Variants in MRPS16 observed in about 807,000 individuals in gnomAD.
MRPS16 encodes small ribosomal subunit protein bS16m.
Under a neutral mutation model 11.0 loss-of-function variants are expected in MRPS16, and 5 were observed. The ratio of observed to expected loss-of-function variants is 0.46; its 90% CI spans 0.24 to 0.96. The LOEUF is 0.96. MRPS16 is among the 40% of genes least tolerant of loss of function. The pLI is 0.20. For missense variants in MRPS16, 179 were observed against 174.4 expected (o/e 1.03, Z -0.15); for synonymous variants, 76 against 65.0 (o/e 1.17, Z -0.81).
chr10:73,252,211 T>A, intron 1 of MRPS16, 188 bp from the exon 2 acceptor site: 1 of 1,052,394 alleles, frequency 9.5e-7, no homozygotes, highest in Non-Finnish European at 1.4e-6. Flanking sequence ...CTCCTCCTCA[T>A]ACCCAAACCC....
rs145398579 is a variant in MRPS16 at position 73,250,920 on chromosome 10, G to A, written c.346C>T (p.Arg116Cys). 54 of 1,614,048 alleles carry A rather than the reference G, an allele frequency of 3.3e-5. No individual in the cohort carries two copies. The African/African-American group carries it at 4.8e-4, about 14-fold the overall frequency. ...TTCTGAGAAGCTAACAGGACTTCAC[G>A]TGCCCGTTTCCTTCGCAGTCTCTCA... The part of the protein sequence containing the change: ...NAERLRRKRA[R>C]EVLLASQKTD... Residue 116 changes from arginine to cysteine, a missense_variant, in exon 3 of 3, where the codon CGT becomes TGT. Arg to Cys is a radical substitution (Grantham distance 180, BLOSUM62 -3). Coordinates refer to ENST00000372945, the MANE Select transcript of MRPS16 (RefSeq NM_016065.4).
At position 73,249,638 on chromosome 10, in the gene MRPS16, A is replaced by C. The variant is rs1004664884; in HGVS notation, c.*1214T>G. The C allele has an allele frequency of 3.3e-6, 1 of 301,136 alleles. No homozygotes were observed. The highest frequency in any genetic ancestry group is 6.3e-6 in the Non-Finnish European group (1 of 157,850). The allele number at this position is 301,136 out of a possible 1,614,324, so 18.7% of individuals were successfully genotyped here. ...TTCTCAGAAGGATCCCATCTATGAT[A>C]TATGCAGAAATCACAGCCACATTTG... On this transcript the variant is annotated 3_prime_UTR_variant, in exon 3 of 3. Transcript: ENST00000372945.
rs2044054551 is a variant in MRPS16 at position 73,249,354 on chromosome 10, C to T, written c.*1498G>A. 1 of 1,528,560 alleles carries T rather than the reference C, an allele frequency of 6.5e-7. No individual in the cohort carries two copies. Among genetic ancestry groups the T allele is most frequent in the African/African-American group, 1.4e-5 (1 of 72,578 alleles). 94.7% of individuals were successfully genotyped at this position (1,528,560 alleles called of 1,614,324 possible). On this transcript the variant is annotated 3_prime_UTR_variant, in exon 3 of 3. Coordinates refer to ENST00000372945, the MANE Select transcript of MRPS16 (RefSeq NM_016065.4). ...TTGTGAGTCAAATAAAAAAGTAGAA[C>T]TAAAGTATACTGAAGTTATTCAAAT...
rs954104789 is a variant in MRPS16 at position 73,249,148 on chromosome 10, C to T, written c.*1704G>A. ...TGCACAGGCTGGTCTCAAACTCTGG[C>T]TTCAAGTGATCCTTCCACCTCAGCC... On this transcript the variant is annotated 3_prime_UTR_variant, in exon 3 of 3. Coordinates refer to ENST00000372945, the MANE Select transcript of MRPS16 (RefSeq NM_016065.4). 2.5e-6 allele frequency: 2 copies of T among 788,054 alleles called. No individual in the cohort carries two copies. The highest frequency in any genetic ancestry group is 3.0e-4 in the Middle Eastern group (1 of 3,290). The allele number at this position is 788,054 out of a possible 1,614,324, so 48.8% of individuals were successfully genotyped here.
At chr10:73,252,221 C>G in intron 1 of MRPS16, 198 bp from the exon 2 acceptor site, 1 of 1,028,492 alleles carries the variant, frequency 9.7e-7, no homozygotes, top group South Asian at 1.5e-5. Flanking sequence ...TACCCAAACC[C>G]ACCCCGCATG....
Position 73,249,176 on chromosome 10 carries a change from C to T in MRPS16, c.*1676G>A. On this transcript the variant is annotated 3_prime_UTR_variant, in exon 3 of 3. Coordinates refer to ENST00000372945, the MANE Select transcript of MRPS16 (RefSeq NM_016065.4). The stretch of plus-strand genomic sequence containing the variant: ...CAAGTGATCCTTCCACCTCAGCCTC[C>T]CAAAGTGCTGAGATTACAGGTGTGA... The T allele has an allele frequency of 1.9e-6, 2 of 1,060,062 alleles. No individual in the cohort carries two copies. Among genetic ancestry groups the T allele is most frequent in the East Asian group, 2.6e-5 (1 of 38,142 alleles). 65.7% of individuals were successfully genotyped at this position (1,060,062 alleles called of 1,614,324 possible).
chr10:73,251,901 G>C lies in MRPS16; in HGVS notation c.136C>G (p.Arg46Gly), dbSNP rs2044110329. ...AAHNKCPRDGRFVEQLGSYDP... is the reference protein window; with the variant it reads ...AAHNKCPRDGGFVEQLGSYDP... ...TAGGAGCCCAGCTGCTCTACGAAACGGCCATCCCTGGGACACTTGTTGTGA... is the reference window on the plus strand; with the variant it reads ...TAGGAGCCCAGCTGCTCTACGAAACCGCCATCCCTGGGACACTTGTTGTGA... The change falls in exon 2 of 3, where the codon CGT (arginine) becomes GGT (glycine). Residue 46 changes from arginine to glycine, a missense_variant. Physicochemically the swap from Arg to Gly is moderately radical, Grantham distance 125. Transcript: ENST00000372945. 1.9e-6 allele frequency: 3 copies of C among 1,614,034 alleles called. No individual in the cohort carries two copies. The highest frequency in any genetic ancestry group is 1.3e-5 in the African/African-American group (1 of 74,896).
Position 73,250,686 on chromosome 10 carries a change from A to G in MRPS16, c.*166T>C. ...CCCACACCCAGCTCTAAGTCACACA[A>G]GAACAAATCTCTCCCTGGGCCCTGT... On this transcript the variant is annotated 3_prime_UTR_variant, in exon 3 of 3. Transcript: ENST00000372945. 1.1e-6 allele frequency: 1 copy of G among 913,642 alleles called. No homozygotes were observed. Among genetic ancestry groups the G allele is most frequent in the East Asian group, 2.4e-5 (1 of 40,840 alleles). The allele number at this position is 913,642 out of a possible 1,614,324, so 56.6% of individuals were successfully genotyped here. A position where few individuals can be genotyped will look rare whatever the true frequency, so the allele number is the denominator to read the frequency against.
intron 2 of MRPS16, 53 bp downstream of exon 2, chr10:73,251,710 A>G (rs2044101692): frequency 4.3e-6 from 7 of 1,611,760 alleles, no homozygotes; most frequent in Non-Finnish European, 5.9e-6. Context: ...ACTGTCCTGG[A>G]GCTGACTTCA....
chr10:73,251,234 T>G (rs2044088549), intron 2 of MRPS16, among the ~76,000 whole-genome samples: 1 of 152,180 alleles, frequency 6.6e-6, no homozygotes, highest in African/African-American at 2.4e-5. Flanking sequence ...AAACATACTA[T>G]TCCTATTTTT....
rs1250096795 is a variant in MRPS16 at position 73,252,604 on chromosome 10, C to A, written c.-122G>T. On this transcript the variant is annotated 5_prime_UTR_variant, in exon 1 of 3. Coordinates refer to ENST00000372945, the MANE Select transcript of MRPS16 (RefSeq NM_016065.4). ...GCAAGCCGACACCAGGCCGCACCGC[C>A]AAGCGGTACAAGCCCGAAAACCTCG... The A allele has an allele frequency of 4.9e-6, 7 of 1,415,022 alleles. No individual in the cohort carries two copies. Among genetic ancestry groups the A allele is most frequent in the African/African-American group, 2.8e-5 (2 of 70,618 alleles). The allele number at this position is 1,415,022 out of a possible 1,614,324, so 87.7% of individuals were successfully genotyped here. A position where few individuals can be genotyped will look rare whatever the true frequency, so the allele number is the denominator to read the frequency against.
At position 73,252,434 on chromosome 10, in the gene MRPS16, C is replaced by G. The variant is rs1356507004; in HGVS notation, c.13+36G>C. 1.9e-6 allele frequency: 3 copies of G among 1,609,084 alleles called. No individual in the cohort carries two copies. In the East Asian group the frequency reaches 6.7e-5, roughly 36 times the overall value. On this transcript the variant is annotated intron_variant, in intron 1 of 2. Coordinates refer to ENST00000372945, the MANE Select transcript of MRPS16 (RefSeq NM_016065.4). Reference sequence around the variant, plus strand: ...GGCCCCGAACTCCCGAGCCCCGTGACCGCCCGGAACGTCTCGCGGTGGCCC... The same window carrying G: ...GGCCCCGAACTCCCGAGCCCCGTGAGCGCCCGGAACGTCTCGCGGTGGCCC...
At chr10:73,251,045 C>T in intron 2 of MRPS16, 54 bp from the exon 3 acceptor site, 1 of 1,597,518 alleles carries the variant, frequency 6.3e-7, no homozygotes, top group Non-Finnish European at 8.6e-7. Context: ...CAATGCTTCC[C>T]TAGGAACTCT....
At chr10:73,251,074 C>G in intron 2 of MRPS16, 83 bp from the exon 3 acceptor site, 1 of 1,524,758 alleles carries the variant, frequency 6.6e-7, no homozygotes. Flanking sequence ...GAACTGAGGT[C>G]TGAGATCTGA....
chr10:73,250,846 G>C lies in MRPS16; in HGVS notation c.*6C>G, dbSNP rs1467603217. The C allele has an allele frequency of 6.2e-7, 1 of 1,613,548 alleles. No individual in the cohort carries two copies. On this transcript the variant is annotated 3_prime_UTR_variant, in exon 3 of 3. Coordinates refer to ENST00000372945, the MANE Select transcript of MRPS16 (RefSeq NM_016065.4). ...CCCACTGCTATGCTCACTAAAGTCA[G>C]CTCATTTATGTTTCTGTAGCCTCTG...
chr10:73,250,678 G>C lies in MRPS16; in HGVS notation c.*174C>G. On this transcript the variant is annotated 3_prime_UTR_variant, in exon 3 of 3. Transcript: ENST00000372945. ...AATTAGTACCCACACCCAGCTCTAA[G>C]TCACACAAGAACAAATCTCTCCCTG... The C allele has an allele frequency of 1.2e-6, 1 of 848,124 alleles. No individual in the cohort carries two copies. Among genetic ancestry groups the C allele is most frequent in the East Asian group, 2.5e-5 (1 of 40,042 alleles). The allele number at this position is 848,124 out of a possible 1,614,324, so 52.5% of individuals were successfully genotyped here.
In MRPS16 at chr10:73,249,406, A is replaced by G. The variant is rs568190179; in HGVS notation, c.*1446T>C. On this transcript the variant is annotated 3_prime_UTR_variant, in exon 3 of 3. Coordinates refer to ENST00000372945, the MANE Select transcript of MRPS16 (RefSeq NM_016065.4). The stretch of plus-strand genomic sequence containing the variant: ...CATTCAAACTATAAAGATCCCTTAT[A>G]GATTACTGGCATCAAGGTAGGAAGG... 7 of 1,304,170 alleles carry G rather than the reference A, an allele frequency of 5.4e-6. No individual in the cohort carries two copies. The African/African-American group carries it at 8.9e-5, about 17-fold the overall frequency. The allele number at this position is 1,304,170 out of a possible 1,614,324, so 80.8% of individuals were successfully genotyped here.
chr10:73,251,821 C>G lies in MRPS16; in HGVS notation c.216G>C (p.Arg72Ser). 6.2e-7 allele frequency: 1 copy of G among 1,614,188 alleles called. No homozygotes were observed. The highest frequency in any genetic ancestry group is 2.2e-5 in the East Asian group (1 of 44,884). Residue 72 changes from arginine (R) to serine (S), a missense_variant, in exon 2 of 3, where the codon AGG becomes AGC. Physicochemically the swap from Arg to Ser is moderately radical, Grantham distance 110. Transcript: ENST00000372945. ...GEKLVALNLD[R>S]IRHWIGCGAH... Reference sequence around the variant, plus strand: ...CCCCGCAGCCAATCCAATGACGGATCCTGTCTAGGTTGAGGGCAACGAGTT... The same window carrying G: ...CCCCGCAGCCAATCCAATGACGGATGCTGTCTAGGTTGAGGGCAACGAGTT...
At position 73,250,218 on chromosome 10, in the gene MRPS16, C is replaced by CA. The variant is rs555061429; in HGVS notation, c.*633dup. 5.5e-3 allele frequency: 732 copies of CA among 132,152 alleles called. 11 individuals carry two copies. The highest frequency in any genetic ancestry group is 0.052 in the East Asian group (237 of 4,572). The allele number at this position is 132,152 out of a possible 1,614,324, so 8.2% of individuals were successfully genotyped here. A position where few individuals can be genotyped will look rare whatever the true frequency, so the allele number is the denominator to read the frequency against. On this transcript the variant is annotated 3_prime_UTR_variant, in exon 3 of 3. Coordinates refer to ENST00000372945, the MANE Select transcript of MRPS16 (RefSeq NM_016065.4). ...CTGGGCGACAGAGCGAGACTCCTCT[C>CA]AAAAAAAAAAAAAAAATTAGCTGGG...
Sources: allele counts gnomAD v4.1 joint callset (sites outside exome capture counted in the v4.1 genomes callset), GRCh38; gene constraint gnomAD v4.1.1; transcripts MANE v1.5; gene names NCBI Gene and HGNC (gene_info 2026-07-23, HGNC 2026-07-21).